Variants in ATXN7L1 observed in about 807,000 individuals in gnomAD.
The protein encoded by ATXN7L1 is ataxin-7-like protein 1.
In ATXN7L1, 15 loss-of-function variants were observed where a neutral mutation model predicts 70.8. The ratio of observed to expected loss-of-function variants is 0.21; its 90% confidence interval spans 0.14 to 0.33. ATXN7L1 has a LOEUF of 0.33. ATXN7L1 is among the 10% of genes least tolerant of loss of function. The pLI, the probability that ATXN7L1 is intolerant of heterozygous loss-of-function variation, is 1.00. For synonymous variants in ATXN7L1, 440 were observed against 445.1 expected (o/e 0.99, Z 0.14); for missense variants, 975 against 1,097.1 (o/e 0.89, Z 1.57).
At chr7:105,856,220 T>C (rs1815697489) in intron 2 of ATXN7L1, among the ~76,000 whole-genome samples, 1 of 152,190 alleles carries the variant, frequency 6.6e-6, no homozygotes, top group Admixed American at 6.5e-5. Context: ...TTAGGAAGGT[T>C]GGGGATATAA....
chr7:105,843,763 A>G (rs908165824), intron 2 of ATXN7L1, among the ~76,000 whole-genome samples: 14 of 152,194 alleles, frequency 9.2e-5, no homozygotes, highest in African/African-American at 2.9e-4. Context: ...ATAAGAAAAC[A>G]CCATTGCATG....
rs901758472 is a variant in ATXN7L1, at chr7:105,727,781, C to T, written c.355+60823G>A. ...ATATATATATATATATATATATACA[C>T]ACACATACACACATATATATATGTA... On this transcript the variant is annotated intron_variant, in intron 3 of 11. Transcript: ENST00000419735. 1.1e-3 allele frequency among the ~76,000 whole-genome samples: 55 copies of T among 49,572 alleles called. 1 individual carries two copies. Among genetic ancestry groups the T allele is most frequent in the South Asian group, 4.0e-3 (4 of 1,012 alleles). 32.5% of individuals were successfully genotyped at this position (49,572 alleles called of 152,430 possible).
chr7:105,748,292 C>A (rs375178919), intron 3 of ATXN7L1, among the ~76,000 whole-genome samples: 3 of 152,110 alleles, frequency 2.0e-5, no homozygotes, highest in African/African-American at 7.2e-5. Flanking sequence ...CAAAGGGCAG[C>A]GGTGGGATGC....
intron 3 of ATXN7L1, among the ~76,000 whole-genome samples, chr7:105,732,872 G>T (rs1172250472): frequency 6.6e-6 from 1 of 152,172 alleles, no homozygotes; most frequent in Non-Finnish European, 1.5e-5. Context: ...CAGTGCTGTT[G>T]CACCTGCTGT....
At position 105,681,991 on chromosome 7, in the gene ATXN7L1, G is replaced by A. The variant is rs554259322; in HGVS notation, c.356-16703C>T. ...TGTAATCCCAGCATTTTGAGAGGCCGAGGCAGGAGGATCTTTTGAGTTCAG... is the reference window on the plus strand; with the variant it reads ...TGTAATCCCAGCATTTTGAGAGGCCAAGGCAGGAGGATCTTTTGAGTTCAG... On this transcript the variant is annotated intron_variant, in intron 3 of 11. Transcript: ENST00000419735. 1.0e-3 allele frequency among the ~76,000 whole-genome samples: 152 copies of A among 152,184 alleles called. 1 individual carries two copies. The highest frequency in any genetic ancestry group is 9.1e-4 in the Non-Finnish European group (62 of 68,006).
chr7:105,709,200 G>C (rs1405397310), intron 3 of ATXN7L1, among the ~76,000 whole-genome samples: 1 of 152,160 alleles, frequency 6.6e-6, no homozygotes, highest in Non-Finnish European at 1.5e-5. Context: ...TGGGCATGGT[G>C]GCGGGCGCCT....
At chr7:105,622,616 T>C (rs1795097081) in intron 8 of ATXN7L1, among the ~76,000 whole-genome samples, 1 of 152,110 alleles carries the variant, frequency 6.6e-6, no homozygotes. Flanking sequence ...ATCAAGTGGG[T>C]CTCCTCCCAG....
chr7:105,678,187 T>C (rs892479766), intron 3 of ATXN7L1, among the ~76,000 whole-genome samples: 1 of 151,868 alleles, frequency 6.6e-6, no homozygotes, highest in Non-Finnish European at 1.5e-5. Flanking sequence ...ACTTTTTACA[T>C]GATTTAAGAT....
chr7:105,841,932 A>T (rs1048237632), intron 2 of ATXN7L1, among the ~76,000 whole-genome samples: 1 of 152,148 alleles, frequency 6.6e-6, no homozygotes, highest in African/African-American at 2.4e-5. Context: ...GGTACTTTAT[A>T]AGCATTCTTA....
intron 3 of ATXN7L1, among the ~76,000 whole-genome samples, chr7:105,711,815 C>T (rs747022155): frequency 3.3e-5 from 5 of 152,248 alleles, no homozygotes; most frequent in African/African-American, 7.2e-5. Flanking sequence ...CTCACAGCTC[C>T]ACTAGGCAAT....
intron 5 of ATXN7L1, 95 bp from the exon 6 acceptor site, chr7:105,639,664 C>A: frequency 1.2e-6 from 1 of 844,334 alleles, no homozygotes; most frequent in South Asian, 1.6e-5. Context: ...ACATTTGCAC[C>A]AACAAGTGAG....
At chr7:105,701,082 G>A (rs1197270540) in intron 3 of ATXN7L1, among the ~76,000 whole-genome samples, 2 of 152,116 alleles carry the variant, frequency 1.3e-5, no homozygotes, top group Non-Finnish European at 2.9e-5. Flanking sequence ...ATATGAAATT[G>A]CAAAAAGTGT....
chr7:105,721,158 C>T (rs1316640527), intron 3 of ATXN7L1, among the ~76,000 whole-genome samples: 1 of 152,144 alleles, frequency 6.6e-6, no homozygotes, highest in Non-Finnish European at 1.5e-5. Context: ...ACTCACAGGG[C>T]CAGGGCTGGG....
chr7:105,644,405 C>A (rs1430640536), intron 4 of ATXN7L1, among the ~76,000 whole-genome samples: 3 of 152,206 alleles, frequency 2.0e-5, no homozygotes, highest in Non-Finnish European at 2.9e-5. Flanking sequence ...TTACCGACTT[C>A]TCCCTTGGAC....
At chr7:105,729,089 C>G (rs1020458125) in intron 3 of ATXN7L1, among the ~76,000 whole-genome samples, 4 of 151,936 alleles carry the variant, frequency 2.6e-5, no homozygotes, top group Non-Finnish European at 4.4e-5. Context: ...CACAGTGAGA[C>G]CCATCTCTAC....
chr7:105,829,642 G>T (rs778288541), intron 2 of ATXN7L1, among the ~76,000 whole-genome samples: 4 of 152,104 alleles, frequency 2.6e-5, no homozygotes, highest in Non-Finnish European at 4.4e-5. Flanking sequence ...CTACTGCCAG[G>T]GTCCCCATCT....
At chr7:105,865,845 G>A (rs577130224) in intron 2 of ATXN7L1, among the ~76,000 whole-genome samples, 114 of 152,012 alleles carry the variant, frequency 7.5e-4, no homozygotes, top group Non-Finnish European at 1.4e-3. Context: ...CTAACTCTCC[G>A]TTTCCCCTCC....
At chr7:105,659,284 G>T (rs1468911637) in intron 4 of ATXN7L1, among the ~76,000 whole-genome samples, 1 of 152,176 alleles carries the variant, frequency 6.6e-6, no homozygotes, top group African/African-American at 2.4e-5. Context: ...GCCATCTCCA[G>T]GAATGGAAAT....
At chr7:105,803,666 T>C (rs989257364) in intron 2 of ATXN7L1, among the ~76,000 whole-genome samples, 2 of 152,204 alleles carry the variant, frequency 1.3e-5, no homozygotes, top group Non-Finnish European at 2.9e-5. Context: ...CTGACTGAAC[T>C]GGAAATTCTG....
Sources: gnomAD v4.1 joint callset for allele counts (sites outside exome capture counted in the v4.1 genomes callset) on GRCh38, gnomAD v4.1.1 for gene constraint, MANE v1.5 for transcripts, NCBI Gene and HGNC (gene_info 2026-07-23, HGNC 2026-07-21) for gene names.